The following ZC3H7A variants were observed in gnomAD, a reference collection of about 807,000 sequenced individuals.
ZC3H7A encodes zinc finger CCCH-type containing 7A.
A neutral mutation model predicts 125.5 loss-of-function variants in ZC3H7A; 44 were observed. That is an observed-to-expected ratio of 0.35 (90% CI 0.28 to 0.45). The LOEUF (loss-of-function observed/expected upper bound fraction) is 0.45, where lower values mean the gene tolerates loss of function less well. Ranked by LOEUF, ZC3H7A falls within the 20% of genes least tolerant of loss-of-function variation. The pLI is 1.00. For missense variants in ZC3H7A, 977 were observed against 1,170.7 expected, an observed-to-expected ratio of 0.83 and a Z score of 2.41; for synonymous variants, 399 against 391.2, an observed-to-expected ratio of 1.02 and a Z score of -0.23.
intron 1 of ZC3H7A, chr16:11,782,771 C>T (rs370299153): frequency 4.1e-4 from 65 of 158,632 alleles, no homozygotes; most frequent in South Asian, 1.5e-3. Flanking sequence ...CCTGCGACCA[C>T]GCCTGGCTAA....
chr16:11,780,785 G>T (rs1030612908), intron 3 of ZC3H7A, among the ~76,000 whole-genome samples: 1 of 152,142 alleles, frequency 6.6e-6, no homozygotes, highest in African/African-American at 2.4e-5. Context: ...AAAAAACACA[G>T]GTGAACCAAT....
chr16:11,776,399 C>T (rs2141200596), intron 6 of ZC3H7A, 41 bp from the exon 7 acceptor site: 1 of 1,603,404 alleles, frequency 6.2e-7, no homozygotes, highest in African/African-American at 1.3e-5. Flanking sequence ...ACAGAACTGA[C>T]TCCAAGTTCT....
intron 10 of ZC3H7A, among the ~76,000 whole-genome samples, chr16:11,770,409 A>AGTATTTAG (rs1231657951): frequency 6.6e-5 from 10 of 152,180 alleles, no homozygotes; most frequent in Non-Finnish European, 1.3e-4. Flanking sequence ...TACTGATCTT[A>AGTATTTAG]AATTAGTGTT....
chr16:11,772,367 G>A (rs1220812608), intron 9 of ZC3H7A, among the ~76,000 whole-genome samples: 1 of 151,622 alleles, frequency 6.6e-6, no homozygotes, highest in East Asian at 1.9e-4. Flanking sequence ...AACTTCCCCA[G>A]GCCCCATCAA....
At chr16:11,776,280 T>TA (rs1333184891) in intron 7 of ZC3H7A, 40 bp downstream of exon 7, 6 of 1,552,734 alleles carry the variant, frequency 3.9e-6, no homozygotes, top group Admixed American at 4.2e-5. Flanking sequence ...ATCCTTCCCT[T>TA]TAAAAAAAAA....
chr16:11,756,109 G>A, intron 21 of ZC3H7A, 128 bp downstream of exon 21: 1 of 1,342,200 alleles, frequency 7.5e-7, no homozygotes, highest in South Asian at 1.5e-5. Context: ...GTTGCAGTGA[G>A]CTGAAATCAC....
chr16:11,793,504 A>G (rs1187936875), intron 1 of ZC3H7A, among the ~76,000 whole-genome samples: 1 of 144,706 alleles, frequency 6.9e-6, no homozygotes, highest in Non-Finnish European at 1.5e-5. Context: ...CTATACTCCA[A>G]CCTGGGTGTC....
At chr16:11,796,695 G>T (rs2053443889) in intron 1 of ZC3H7A, 1 of 152,174 alleles carries the variant, frequency 6.6e-6, no homozygotes. Context: ...AAAAAAGACG[G>T]ATGAGCCCCA....
Position 11,765,284 on chromosome 16 carries a change from A to T in ZC3H7A, c.1720-131T>A. 1 of 690,436 alleles carries T rather than the reference A, an allele frequency of 1.4e-6. No individual in the cohort carries two copies. Among genetic ancestry groups the T allele is most frequent in the Non-Finnish European group, 2.2e-6 (1 of 451,162 alleles). 42.8% of individuals were successfully genotyped at this position (690,436 alleles called of 1,614,324 possible). A position where few individuals can be genotyped will look rare whatever the true frequency, so the allele number is the denominator to read the frequency against. ...AAGTTTTAATATTCTTTTTGGTAAC[A>T]GTAATAGCCAACATTTACTGAATGA... On this transcript the variant is annotated intron_variant, in intron 14 of 22. Coordinates refer to ENST00000355758, the MANE Select transcript of ZC3H7A (RefSeq NM_014153.4). The surrounding 1 kb of genome is among the most constrained non-coding windows in gnomAD (Gnocchi z 4.8).
At chr16:11,782,254 G>A (rs754071620) in intron 2 of ZC3H7A, 33 bp downstream of exon 2, 31 of 1,611,986 alleles carry the variant, frequency 1.9e-5, no homozygotes, top group African/African-American at 6.7e-5. Flanking sequence ...GAATTAGGAC[G>A]CGGCAAGAAC....
chr16:11,770,865 T>C lies in ZC3H7A; in HGVS notation c.1026A>G (p.Ser342=). 1 of 1,614,152 alleles carries C rather than the reference T, an allele frequency of 6.2e-7. No homozygotes were observed. The highest frequency in any genetic ancestry group is 8.5e-7 in the Non-Finnish European group (1 of 1,180,018). Residue 342 remains serine, a synonymous_variant, in exon 10 of 23, where the codon TCA becomes TCG. Transcript: ENST00000355758. ...GARYAPPPSF[S]EFYPPLTSSL... is the part of the protein sequence containing the mutation. Reference sequence around the variant, plus strand: ...ATGAAGTCAAAGGTGGATAAAATTCTGAGAAGGAGGGTGGAGGAGCATACC... The same window carrying C: ...ATGAAGTCAAAGGTGGATAAAATTCCGAGAAGGAGGGTGGAGGAGCATACC...
chr16:11,793,919 T>C (rs745980429), intron 1 of ZC3H7A, among the ~76,000 whole-genome samples: 1 of 152,180 alleles, frequency 6.6e-6, no homozygotes, highest in Non-Finnish European at 1.5e-5. Context: ...ACAGGAACTA[T>C]TCACTTTGAA....
At chr16:11,766,096 C>T (rs1361761608) in intron 13 of ZC3H7A, among the ~76,000 whole-genome samples, 1 of 146,762 alleles carries the variant, frequency 6.8e-6, no homozygotes, top group Non-Finnish European at 1.5e-5. Context: ...CACACCTCAG[C>T]TGAAAAAAAA....
At chr16:11,752,103 A>C (rs9932154) in intron 22 of ZC3H7A, among the ~76,000 whole-genome samples, 6,925 of 152,006 alleles carry the variant, frequency 0.046, 551 homozygotes, top group African/African-American at 0.16. Flanking sequence ...ACAGGGTTTC[A>C]CCATGTTGTC....
At chr16:11,785,955 T>C (rs533222758) in intron 1 of ZC3H7A, among the ~76,000 whole-genome samples, 2 of 152,184 alleles carry the variant, frequency 1.3e-5, no homozygotes, top group South Asian at 2.1e-4. Context: ...TAGGTATATA[T>C]ATTGACATAT....
Position 11,765,010 on chromosome 16 carries a change from G to C in ZC3H7A, c.1820+43C>G, listed in dbSNP as rs1266745798. The C allele has an allele frequency of 4.5e-6, 6 of 1,324,872 alleles. No individual in the cohort carries two copies. Among genetic ancestry groups the C allele is most frequent in the Non-Finnish European group, 6.3e-6 (6 of 953,162 alleles). The allele number at this position is 1,324,872 out of a possible 1,614,324, so 82.1% of individuals were successfully genotyped here. Reference sequence around the variant, plus strand: ...TAGTTTTTATTCAGATCTAGAAAAAGAATCTATTTTGTCATTACAGAAATT... The same window carrying C: ...TAGTTTTTATTCAGATCTAGAAAAACAATCTATTTTGTCATTACAGAAATT... On this transcript the variant is annotated intron_variant, in intron 15 of 22. Transcript: ENST00000355758. This position sits in a 1 kb window ranked among gnomAD's most constrained non-coding sequence, Gnocchi z 4.8.
rs2052545242 is a variant in ZC3H7A, at chr16:11,751,020, A to G, written c.*297T>C. The G allele has an allele frequency of 4.5e-6, 1 of 223,360 alleles. No individual in the cohort carries two copies. The highest frequency in any genetic ancestry group is 2.3e-5 in the African/African-American group (1 of 44,028). The allele number at this position is 223,360 out of a possible 1,614,324, so 13.8% of individuals were successfully genotyped here. ...GATTCTTATATGAAGGACCAACTCA[A>G]AGAGTTGTCCTAGATATAACCTTAT... is the stretch of plus-strand genomic sequence containing the variant. On this transcript the variant is annotated 3_prime_UTR_variant, in exon 23 of 23. Transcript: ENST00000355758.
intron 1 of ZC3H7A, among the ~76,000 whole-genome samples, chr16:11,787,997 A>G (rs116323268): frequency 0.023 from 3,467 of 152,018 alleles, 132 homozygotes; most frequent in African/African-American, 0.079. Context: ...CCCCTCGTCC[A>G]GCCCCATACT....
At chr16:11,755,065 C>T (rs1455925662) in intron 21 of ZC3H7A, among the ~76,000 whole-genome samples, 2 of 151,482 alleles carry the variant, frequency 1.3e-5, no homozygotes, top group African/African-American at 2.4e-5. Context: ...AAAAATTAGC[C>T]GGGCGTGGTG....
Sources: gnomAD v4.1 joint callset for allele counts (sites outside exome capture counted in the v4.1 genomes callset) on GRCh38, gnomAD v4.1.1 for gene constraint, Gnocchi (gnomAD v3.1) non-coding constraint, MANE v1.5 for transcripts, NCBI Gene and HGNC (gene_info 2026-07-23, HGNC 2026-07-21) for gene names.